TMEM67: variants seen among roughly 807,000 people sequenced by gnomAD.
TMEM67 encodes the protein transmembrane protein 67.
Under a neutral mutation model 136.6 loss-of-function variants are expected in TMEM67, and 124 were observed. That is an observed-to-expected ratio of 0.91 (90% CI 0.78 to 1.05). The LOEUF (loss-of-function observed/expected upper bound fraction) is 1.05, where lower values mean the gene tolerates loss of function less well. Ranked by LOEUF, TMEM67 falls within the 50% of genes least tolerant of loss-of-function variation. The pLI, the probability that TMEM67 is intolerant of heterozygous loss-of-function variation, is 0.00. For synonymous variants in TMEM67, 364 were observed against 390.5 expected (o/e 0.93, Z 0.80); for missense variants, 1,107 against 1,178.4 (o/e 0.94, Z 0.89).
chr8:93,792,614 C>A (rs1814429419), intron 15 of TMEM67, among the ~76,000 whole-genome samples: 1 of 152,010 alleles, frequency 6.6e-6, no homozygotes, highest in Non-Finnish European at 1.5e-5. Context: ...GAGAAACTCC[C>A]TTTGCTCACA....
chr8:93,810,058 T>C, intron 26 of TMEM67, 171 bp downstream of exon 26: 1 of 455,692 alleles, frequency 2.2e-6, no homozygotes, highest in Non-Finnish European at 3.9e-6. Context: ...AAGCTCCGCC[T>C]CCCGGGTTCA....
At chr8:93,805,568 G>C (rs1465777373) in intron 23 of TMEM67, among the ~76,000 whole-genome samples, 1 of 145,912 alleles carries the variant, frequency 6.9e-6, no homozygotes, top group African/African-American at 2.6e-5. Context: ...GCGACAGAGC[G>C]AGACTCCGTC....
intron 6 of TMEM67, among the ~76,000 whole-genome samples, chr8:93,772,351 G>A (rs1813362988): frequency 6.6e-6 from 1 of 152,104 alleles, no homozygotes; most frequent in African/African-American, 2.4e-5. Context: ...AAATAGGCAT[G>A]TAGTATTTTT....
chr8:93,832,014 T>C, the TMEM67 span, among the ~76,000 whole-genome samples: 3 of 152,152 alleles, frequency 2.0e-5, no homozygotes, highest in Non-Finnish European at 4.4e-5. Flanking sequence ...TTCAGCCAAC[T>C]CTCCAGCACA....
At chr8:93,757,766 AT>A (rs202040147) in intron 2 of TMEM67, among the ~76,000 whole-genome samples, 2,364 of 144,822 alleles carry the variant, frequency 0.016, 53 homozygotes, top group African/African-American at 0.05. Context: ...TCATAAATGA[AT>A]TTTTTTTTTT....
intron 12 of TMEM67, 101 bp downstream of exon 12, chr8:93,785,479 T>G (rs1814053354): frequency 8.1e-7 from 1 of 1,230,226 alleles, no homozygotes; most frequent in South Asian, 1.2e-5. Context: ...AGAAAGGTCA[T>G]GAATTCTCTC....
chr8:93,796,306 C>T (rs967966753), intron 18 of TMEM67, among the ~76,000 whole-genome samples: 2 of 152,128 alleles, frequency 1.3e-5, no homozygotes, highest in African/African-American at 4.8e-5. Flanking sequence ...TGAATTTTGT[C>T]TCCATTAATC....
At chr8:93,816,321 A>G (rs759188114) in intron 27 of TMEM67, 51 bp from the exon 28 acceptor site, 13 of 924,508 alleles carry the variant, frequency 1.4e-5, no homozygotes, top group Non-Finnish European at 2.2e-5. Context: ...CGACGTGCAT[A>G]TTTAATTCTG....
At chr8:93,790,109 G>A (rs1241432744) in intron 14 of TMEM67, among the ~76,000 whole-genome samples, 4 of 151,662 alleles carry the variant, frequency 2.6e-5, no homozygotes, top group African/African-American at 9.7e-5. Flanking sequence ...CATTGATGAA[G>A]TCCACCTCAA....
Position 93,809,141 on chromosome 8 carries a change from C to A in TMEM67, c.2641C>A (p.Leu881Ile). 6.3e-7 allele frequency: 1 copy of A among 1,597,264 alleles called. No individual in the cohort carries two copies. Among genetic ancestry groups the A allele is most frequent in the Non-Finnish European group, 8.6e-7 (1 of 1,165,516 alleles). Residue 881 changes from leucine (L) to isoleucine (I), a missense_variant, in exon 25 of 28, where the codon CTT becomes ATT. Physicochemically the swap from Leu to Ile is conservative, Grantham distance 5. Coordinates refer to ENST00000453321, the MANE Select transcript of TMEM67 (RefSeq NM_153704.6). ...IKAYHMMNKF[L>I]GSFIDHVHKE... ...AGCATATCATATGATGAATAAATTT[C>A]TTGGCTCCTTCATTGACCATGTATG...
chr8:93,797,104 T>C, intron 18 of TMEM67, 30 bp from the exon 19 acceptor site: 1 of 1,341,538 alleles, frequency 7.5e-7, no homozygotes. Context: ...CTGGTACTTT[T>C]TCAGGTGTTT....
chr8:93,774,017 T>TA (rs918908429), intron 7 of TMEM67, among the ~76,000 whole-genome samples: 12 of 151,842 alleles, frequency 7.9e-5, no homozygotes, highest in Non-Finnish European at 1.6e-4. Context: ...TAAAATAGGT[T>TA]AAAAAAAATT....
chr8:93,795,365 A>T, intron 16 of TMEM67, 44 bp from the exon 17 acceptor site: 1 of 1,488,882 alleles, frequency 6.7e-7, no homozygotes, highest in Non-Finnish European at 9.4e-7. Context: ...AGTGGTATAT[A>T]CATGGAGTCT....
At position 93,809,046 on chromosome 8, in the gene TMEM67, T is replaced by C. The variant is rs370652713; in HGVS notation, c.2557-11T>C. The C allele has an allele frequency of 1.9e-6, 3 of 1,587,582 alleles. No homozygotes were observed. Among genetic ancestry groups the C allele is most frequent in the African/African-American group, 2.7e-5 (2 of 74,420 alleles). ...ATAACACTTTGTATTCATTTCTCTT[T>C]TTTACATTAGAAAAATGGTCCTGCT... On this transcript the variant is annotated splice_polypyrimidine_tract_variant and intron_variant, in intron 24 of 27. Coordinates refer to ENST00000453321, the MANE Select transcript of TMEM67 (RefSeq NM_153704.6).
chr8:93,765,712 T>G, intron 6 of TMEM67, 66 bp downstream of exon 6: 2 of 1,058,934 alleles, frequency 1.9e-6, no homozygotes, highest in South Asian at 1.3e-5. Context: ...CATTAGTAAT[T>G]TCAGGCTAGA....
chr8:93,818,980 T>A (rs1471606320), downstream of TMEM67: 54 of 407,142 alleles, frequency 1.3e-4, 1 homozygote, highest in East Asian at 3.9e-3. Flanking sequence ...TTTTTGTATT[T>A]TTTTTGTAGA....
chr8:93,755,877 T>G lies in TMEM67; in HGVS notation c.312+11T>G. ...TGCCCAGAAAACATGGTGCGCATAA[T>G]TTATTTTAAAATAACTTACCTGTAA... On this transcript the variant is annotated intron_variant, in intron 2 of 27. Transcript: ENST00000453321. 5 of 1,496,942 alleles carry G rather than the reference T, an allele frequency of 3.3e-6. No individual in the cohort carries two copies. The highest frequency in any genetic ancestry group is 3.7e-6 in the Non-Finnish European group (4 of 1,081,642). The allele number at this position is 1,496,942 out of a possible 1,614,324, so 92.7% of individuals were successfully genotyped here.
At chr8:93,826,222 C>G in the TMEM67 span, among the ~76,000 whole-genome samples, 4 of 150,592 alleles carry the variant, frequency 2.7e-5, no homozygotes, top group Admixed American at 2.0e-4. Context: ...CTCCGCCTCC[C>G]AGGTTCACGC....
Position 93,785,363 on chromosome 8 carries a change from A to G in TMEM67, c.1273A>G (p.Ile425Val). 3.1e-6 allele frequency: 5 copies of G among 1,612,682 alleles called. No homozygotes were observed. The highest frequency in any genetic ancestry group is 4.2e-6 in the Non-Finnish European group (5 of 1,179,280). The change falls in exon 12 of 28, where the codon ATA (isoleucine) becomes GTA (valine). Residue 425 changes from isoleucine (I) to valine (V), a missense_variant. By Grantham distance (29) the Ile-to-Val change is conservative. This residue lies in a region of TMEM67 where 925 missense variants were observed against 1,002.4 expected (regional missense o/e 0.92). Coordinates refer to ENST00000453321, the MANE Select transcript of TMEM67 (RefSeq NM_153704.6). ...AAACCTAAATCTTCAACATAATAAGATATTTGTGAACCAAGGTAAGACATC... is the reference window on the plus strand; with the variant it reads ...AAACCTAAATCTTCAACATAATAAGGTATTTGTGAACCAAGGTAAGACATC... ...VLNLNLQHNKIFVNQDSNSGK... is the reference protein window; with the variant it reads ...VLNLNLQHNKVFVNQDSNSGK...
Sources: gnomAD v4.1 joint callset for allele counts (sites outside exome capture counted in the v4.1 genomes callset) on GRCh38, gnomAD v4.1.1 for gene constraint, gnomAD v4.1.1 regional missense constraint, MANE v1.5 for transcripts, NCBI Gene and HGNC (gene_info 2026-07-23, HGNC 2026-07-21) for gene names.